The following OR7A5 variants were observed in gnomAD, a reference collection of about 807,000 sequenced individuals.
The protein encoded by OR7A5 is olfactory receptor 7A5.
For missense variants in OR7A5, 319 were observed against 377.9 expected (o/e 0.84, Z 1.29); for synonymous variants, 140 against 146.7 (o/e 0.95, Z 0.33).
intron 1 of OR7A5, 64 bp from the exon 2 acceptor site, chr19:14,828,318 T>C: frequency 7.1e-7 from 1 of 1,414,254 alleles, no homozygotes; most frequent in Non-Finnish European, 9.6e-7. Flanking sequence ...CTTTCAGAAA[T>C]ACCATCATTT....
rs2044790937 is a variant in OR7A5 at position 14,828,061 on chromosome 19, A to G, written c.181T>C (p.Phe61Leu). The G allele has an allele frequency of 1.9e-6, 3 of 1,614,190 alleles. No individual in the cohort carries two copies. The highest frequency in any genetic ancestry group is 2.5e-6 in the Non-Finnish European group (3 of 1,180,026). The change falls in exon 2 of 2, where the codon TTC becomes CTC. Residue 61 changes from phenylalanine (F) to leucine (L), a missense_variant. Physicochemically the swap from Phe to Leu is conservative, Grantham distance 22. Coordinates refer to ENST00000322301, the MANE Select transcript of OR7A5 (RefSeq NM_017506.2). ...SDSHLHTPMY[F>L]FLSNLSFADI... Reference sequence around the variant, plus strand: ...GCAAAGGACAGGTTGGAGAGGAAGAAGTACATGGGGGTGTGGAGGTGGGAG... The same window carrying G: ...GCAAAGGACAGGTTGGAGAGGAAGAGGTACATGGGGGTGTGGAGGTGGGAG...
At position 14,827,515 on chromosome 19, in the gene OR7A5, A is replaced by G. The variant is rs754962897; in HGVS notation, c.727T>C (p.Ser243Pro). The change falls in exon 2 of 2, where the codon TCT (serine) becomes CCT (proline). Residue 243 changes from serine to proline, a missense_variant. By Grantham distance (74) the Ser-to-Pro change is moderately conservative. Coordinates refer to ENST00000322301, the MANE Select transcript of OR7A5 (RefSeq NM_017506.2). ...GKYKAFSTCA[S>P]HLSVVSLFYG... ...AATAAGGAGACAACTGAGAGGTGAG[A>G]TGCACAGGTGGAAAATGCCTTGTAC... 6.2e-7 allele frequency: 1 copy of G among 1,614,042 alleles called. No homozygotes were observed. Among genetic ancestry groups the G allele is most frequent in the African/African-American group, 1.3e-5 (1 of 74,922 alleles).
Position 14,827,903 on chromosome 19 carries a change from G to A in OR7A5, c.339C>T (p.Phe113=). 6.2e-7 allele frequency: 1 copy of A among 1,614,192 alleles called. No individual in the cohort carries two copies. Among genetic ancestry groups the A allele is most frequent in the South Asian group, 1.1e-5 (1 of 91,088 alleles). ...FFILFAGFEN[F]LLSVMAYDRF... is the part of the protein sequence containing the mutation. ...GGTCATAGGCCATCACGGACAGGAGGAAGTTTTCAAATCCAGCAAAGAGTA... is the reference window on the plus strand; with the variant it reads ...GGTCATAGGCCATCACGGACAGGAGAAAGTTTTCAAATCCAGCAAAGAGTA... Residue 113 remains phenylalanine (F), a synonymous_variant, in exon 2 of 2, where the codon TTC becomes TTT. Transcript: ENST00000322301.
chr19:14,830,811 T>C (rs900541018), intron 1 of OR7A5, among the ~76,000 whole-genome samples: 1 of 152,166 alleles, frequency 6.6e-6, no homozygotes, highest in African/African-American at 2.4e-5. Context: ...AAGTCTGCCT[T>C]TCTTCATGGT....
rs923662900 is a variant in OR7A5, at chr19:14,827,136, T to C, written c.*146A>G. ...AGAGCAGAAAGCTTAATAAAAGGAG[T>C]TGCTTAAATTCTACAAGACCAGTTG... is the stretch of plus-strand genomic sequence containing the variant. On this transcript the variant is annotated 3_prime_UTR_variant, in exon 2 of 2. Coordinates refer to ENST00000322301, the MANE Select transcript of OR7A5 (RefSeq NM_017506.2). 1.9e-5 allele frequency: 14 copies of C among 729,702 alleles called. No individual in the cohort carries two copies. The highest frequency in any genetic ancestry group is 2.8e-5 in the Non-Finnish European group (14 of 501,430). The allele number at this position is 729,702 out of a possible 1,614,324, so 45.2% of individuals were successfully genotyped here.
rs964592452 is a variant in OR7A5, at chr19:14,827,090, G to C, written c.*192C>G. On this transcript the variant is annotated 3_prime_UTR_variant, in exon 2 of 2. Coordinates refer to ENST00000322301, the MANE Select transcript of OR7A5 (RefSeq NM_017506.2). The stretch of plus-strand genomic sequence containing the variant: ...TGAGAAAGTAGGAAAACAACAAAGA[G>C]AAAAAACTGTTGGATATCAGAGAGC... 1.7e-5 allele frequency: 8 copies of C among 480,784 alleles called. No homozygotes were observed. The highest frequency in any genetic ancestry group is 6.0e-5 in the African/African-American group (3 of 49,704). 29.8% of individuals were successfully genotyped at this position (480,784 alleles called of 1,614,324 possible).
rs1185590476 is a variant in OR7A5, at chr19:14,827,289, C to G, written c.953G>C (p.Cys318Ser). The G allele has an allele frequency of 1.3e-6, 2 of 1,547,354 alleles. No homozygotes were observed. Among genetic ancestry groups the G allele is most frequent in the African/African-American group, 1.4e-5 (1 of 72,684 alleles). ...AAGCTTAGAGCCCTGCAATCATGGG[C>G]ACTTCTTGAAAAATTGCCCTTTCAT... ...GTMKGQFFKK[C>S]P The change falls in exon 2 of 2, where the codon TGC becomes TCC. Residue 318 changes from cysteine (C) to serine (S), a missense_variant. Coordinates refer to ENST00000322301, the MANE Select transcript of OR7A5 (RefSeq NM_017506.2).
chr19:14,835,098 A>C lies in OR7A5; in HGVS notation c.-38T>G, dbSNP rs1004492096. ...CCAGGAGGGGATCTCTCCGAGGAAG[A>C]GTTCCTTGTGTAAGTGCAAATTCCT... On this transcript the variant is annotated 5_prime_UTR_variant, in exon 1 of 2. Coordinates refer to ENST00000322301, the MANE Select transcript of OR7A5 (RefSeq NM_017506.2). 1 of 152,176 alleles carries C rather than the reference A, an allele frequency of 6.6e-6. No homozygotes were observed. Among genetic ancestry groups the C allele is most frequent in the African/African-American group, 2.4e-5 (1 of 41,420 alleles). The allele number at this position is 152,176 out of a possible 1,614,324, so 9.4% of individuals were successfully genotyped here.
intron 1 of OR7A5, among the ~76,000 whole-genome samples, chr19:14,830,522 A>T (rs2145083102): frequency 6.6e-6 from 1 of 152,332 alleles, no homozygotes; most frequent in South Asian, 2.1e-4. Flanking sequence ...GGTTATGGTT[A>T]CATTTCAGCT....
chr19:14,831,151 T>C (rs752757253), intron 1 of OR7A5, among the ~76,000 whole-genome samples: 7 of 152,186 alleles, frequency 4.6e-5, no homozygotes. Flanking sequence ...CGGCCCCAGA[T>C]AGCTGCTACC....
chr19:14,831,538 G>A (rs920684809), intron 1 of OR7A5, among the ~76,000 whole-genome samples: 2 of 151,908 alleles, frequency 1.3e-5, no homozygotes, highest in African/African-American at 4.8e-5. Context: ...TCAGCCTCCC[G>A]GGTTCACGCC....
Position 14,826,302 on chromosome 19 carries a change from A to G in OR7A5, c.*980T>C, listed in dbSNP as rs1236312595. 1.3e-5 allele frequency: 2 copies of G among 152,216 alleles called. No homozygotes were observed. Among genetic ancestry groups the G allele is most frequent in the Non-Finnish European group, 2.9e-5 (2 of 68,040 alleles). The allele number at this position is 152,216 out of a possible 1,614,324, so 9.4% of individuals were successfully genotyped here. On this transcript the variant is annotated 3_prime_UTR_variant, in exon 2 of 2. Coordinates refer to ENST00000322301, the MANE Select transcript of OR7A5 (RefSeq NM_017506.2). The stretch of plus-strand genomic sequence containing the variant: ...GAGAATTTAGAGCATAAAAGAGATG[A>G]ATAAATTGATGATACATTGAATATT...
chr19:14,832,404 TTCTC>T (rs1470185703), intron 1 of OR7A5, among the ~76,000 whole-genome samples: 3 of 140,048 alleles, frequency 2.1e-5, no homozygotes, highest in Non-Finnish European at 3.1e-5. Flanking sequence ...CCTTCCTTCC[TTCTC>T]TCTCTCTTTC....
In OR7A5 at chr19:14,827,484, C is replaced by T. The variant is rs1281929116; in HGVS notation, c.758G>A (p.Gly253Asp). 6.8e-6 allele frequency: 11 copies of T among 1,613,836 alleles called. No homozygotes were observed. Among genetic ancestry groups the T allele is most frequent in the Non-Finnish European group, 9.3e-6 (11 of 1,179,988 alleles). The change falls in exon 2 of 2, where the codon GGT (glycine) becomes GAT (aspartate). Residue 253 changes from glycine to aspartate, a missense_variant. Transcript: ENST00000322301. ...ACTAAGGTACACCCCTAGGATTGCACCATAAAATAAGGAGACAACTGAGAG... is the reference window on the plus strand; with the variant it reads ...ACTAAGGTACACCCCTAGGATTGCATCATAAAATAAGGAGACAACTGAGAG... ...SHLSVVSLFY[G>D]AILGVYLSSA...
intron 1 of OR7A5, among the ~76,000 whole-genome samples, chr19:14,829,454 C>T (rs1052237847): frequency 1.3e-5 from 2 of 152,190 alleles, no homozygotes; most frequent in Admixed American, 6.5e-5. Context: ...CCGCTCACCT[C>T]GGCCTCCCAA....
At chr19:14,828,907 G>A (rs893492084) in intron 1 of OR7A5, among the ~76,000 whole-genome samples, 15 of 150,890 alleles carry the variant, frequency 9.9e-5, no homozygotes, top group African/African-American at 3.4e-4. Context: ...ATCTAATGAT[G>A]AAGAAAGAAT....
intron 1 of OR7A5, among the ~76,000 whole-genome samples, chr19:14,832,613 G>A (rs2044844375): frequency 6.6e-6 from 1 of 151,392 alleles, no homozygotes; most frequent in African/African-American, 2.4e-5. Flanking sequence ...TTTTAATAGA[G>A]TCGGGGTTTC....
intron 1 of OR7A5, among the ~76,000 whole-genome samples, chr19:14,831,325 T>C (rs945364106): frequency 1.3e-5 from 2 of 152,244 alleles, no homozygotes; most frequent in African/African-American, 4.8e-5. Context: ...GACTCATTTT[T>C]TTCTGTGCCT....
In OR7A5 at chr19:14,830,578, A is replaced by T. The variant is rs116966820; in HGVS notation, c.-13-2324T>A. ...CCTGGCAAAATAAATAAAAGATCAA[A>T]AATAAAGAATTCTGACATCTTTATT... On this transcript the variant is annotated intron_variant, in intron 1 of 1. Coordinates refer to ENST00000322301, the MANE Select transcript of OR7A5 (RefSeq NM_017506.2). Among the ~76,000 whole-genome samples, 1,511 of 152,318 alleles carry T rather than the reference A, an allele frequency of 9.9e-3. 13 individuals are homozygous for T. Among genetic ancestry groups the T allele is most frequent in the Non-Finnish European group, 0.016 (1,103 of 68,032 alleles).
Sources: gnomAD v4.1 joint callset for allele counts (sites outside exome capture counted in the v4.1 genomes callset) on GRCh38, gnomAD v4.1.1 for gene constraint, MANE v1.5 for transcripts, NCBI Gene and HGNC (gene_info 2026-07-23, HGNC 2026-07-21) for gene names.